Variants in EHBP1 observed in about 807,000 individuals in gnomAD.
EHBP1 encodes the protein EH domain binding protein 1.
Under a neutral mutation model 144.0 loss-of-function variants are expected in EHBP1, and 55 were observed. The ratio of observed to expected loss-of-function variants is 0.38; its 90% CI spans 0.31 to 0.48. The LOEUF (loss-of-function observed/expected upper bound fraction) is 0.48, where lower values mean the gene tolerates loss of function less well. Among genes scored for constraint, EHBP1 ranks in the 20% least tolerant of loss-of-function variants. The pLI is 0.98. For synonymous variants in EHBP1, 469 were observed against 472.7 expected, an observed-to-expected ratio of 0.99 and a Z score of 0.10; for missense variants, 1,200 against 1,364.2, an observed-to-expected ratio of 0.88 and a Z score of 1.90.
chr2:63,006,854 ATACT>A, intron 19 of EHBP1, among the ~76,000 whole-genome samples: 2 of 151,884 alleles, frequency 1.3e-5, no homozygotes, highest in South Asian at 4.2e-4. Context: ...GATCTCCTGC[ATACT>A]TAATTTCTGT....
chr2:63,018,316 A>T (rs2060569760), intron 19 of EHBP1, among the ~76,000 whole-genome samples: 1 of 152,176 alleles, frequency 6.6e-6, no homozygotes, highest in East Asian at 1.9e-4. Flanking sequence ...AAAATATCAT[A>T]CTTTCAAGTC....
intron 1 of EHBP1, among the ~76,000 whole-genome samples, chr2:62,679,736 A>G (rs1315579186): frequency 6.6e-6 from 1 of 152,252 alleles, no homozygotes; most frequent in Non-Finnish European, 1.5e-5. Context: ...ATAAAATGGC[A>G]TTGGCTATTA....
At chr2:62,912,080 A>G (rs999838700) in intron 10 of EHBP1, among the ~76,000 whole-genome samples, 9 of 152,164 alleles carry the variant, frequency 5.9e-5, no homozygotes, top group African/African-American at 2.2e-4. Flanking sequence ...GTTGAAAACT[A>G]CTAGATAGAT....
chr2:62,858,418 A>C (rs1411760746), intron 7 of EHBP1: 1 of 1,599,318 alleles, frequency 6.3e-7, no homozygotes, highest in Non-Finnish European at 8.5e-7. Context: ...ATTGTAAACC[A>C]GTTGAATGCT....
At chr2:62,994,251 A>G (rs1488628113) in intron 18 of EHBP1, 1 of 201,448 alleles carries the variant, frequency 5.0e-6, no homozygotes, top group Non-Finnish European at 1.0e-5. Context: ...TCCAGTATTG[A>G]TCTACTGGGA....
chr2:62,849,486 T>G (rs1573699754), intron 7 of EHBP1, among the ~76,000 whole-genome samples: 1 of 152,152 alleles, frequency 6.6e-6, no homozygotes, highest in Non-Finnish European at 1.5e-5. Context: ...CTTTGAGAGA[T>G]AATAATTTGT....
At chr2:62,769,291 ATAAATAACTTCAGCAAAG>A (rs1280288100) in intron 4 of EHBP1, among the ~76,000 whole-genome samples, 1 of 152,258 alleles carries the variant, frequency 6.6e-6, no homozygotes, top group African/African-American at 2.4e-5. Context: ...CCTGCAGCTG[ATAAATAACTTCAGCAAAG>A]TTTTAGGATA....
chr2:63,008,128 A>G (rs535583939), intron 19 of EHBP1, among the ~76,000 whole-genome samples: 2 of 151,938 alleles, frequency 1.3e-5, no homozygotes, highest in African/African-American at 4.8e-5. Context: ...CAAAGAAATG[A>G]AAATTTAAAT....
At chr2:63,041,185 C>A (rs1383388791) in intron 21 of EHBP1, among the ~76,000 whole-genome samples, 1 of 152,166 alleles carries the variant, frequency 6.6e-6, no homozygotes. Flanking sequence ...TACATCCATT[C>A]TTCTGAGAAT....
At chr2:62,966,429 A>T (rs1381908977) in intron 14 of EHBP1, among the ~76,000 whole-genome samples, 3 of 152,128 alleles carry the variant, frequency 2.0e-5, no homozygotes, top group Non-Finnish European at 2.9e-5. Flanking sequence ...TGTTTGGGGT[A>T]CCTTTTATAC....
Position 62,979,251 on chromosome 2 carries a change from C to T in EHBP1, c.2524C>T (p.Arg842Ter), listed in dbSNP as rs1049124249. ...AGCTCGTCAGCTAATAGCAGAAGCT[C>T]GATCTGGAGTGAAGATGTCAGAACT... Reference protein sequence around the residue: ...ERARQLIAEARSGVKMSELPS... With the variant: ...ERARQLIAEA Residue 842 changes from arginine (R) to a stop codon, truncating the protein, a stop_gained, in exon 15 of 23, where the codon CGA becomes TGA. Coordinates refer to ENST00000431489, the MANE Select transcript of EHBP1 (RefSeq NM_001142616.3). LOFTEE classifies it high-confidence loss of function. 3.7e-6 allele frequency: 6 copies of T among 1,613,816 alleles called. No homozygotes were observed. Among genetic ancestry groups the T allele is most frequent in the Non-Finnish European group, 5.1e-6 (6 of 1,179,858 alleles).
intron 10 of EHBP1, among the ~76,000 whole-genome samples, chr2:62,940,753 C>T (rs2056707848): frequency 6.6e-6 from 1 of 151,944 alleles, no homozygotes; most frequent in South Asian, 2.1e-4. Flanking sequence ...TTGCATGTGA[C>T]TTCTTTTTGT....
Position 62,942,768 on chromosome 2 carries a change from G to C in EHBP1, c.1236G>C (p.Gln412His). The C allele has an allele frequency of 6.2e-7, 1 of 1,613,438 alleles. No homozygotes were observed. Among genetic ancestry groups the C allele is most frequent in the Non-Finnish European group, 8.5e-7 (1 of 1,179,602 alleles). ...TGGGGCGAAAGCCAAATGCTAGTCAGTCTTTGCTTGTATGGTGTAAAGAAG... is the reference window on the plus strand; with the variant it reads ...TGGGGCGAAAGCCAAATGCTAGTCACTCTTTGCTTGTATGGTGTAAAGAAG... ...PVLGRKPNAS[Q>H]SLLVWCKEVT... is the part of the protein sequence containing the mutation. Residue 412 changes from glutamine to histidine, a missense_variant, in exon 11 of 23, where the codon CAG becomes CAC. By Grantham distance (24) the Gln-to-His change is conservative (BLOSUM62 0). Coordinates refer to ENST00000431489, the MANE Select transcript of EHBP1 (RefSeq NM_001142616.3).
At chr2:62,807,937 C>T (rs2044642522) in intron 5 of EHBP1, among the ~76,000 whole-genome samples, 2 of 151,578 alleles carry the variant, frequency 1.3e-5, no homozygotes, top group Admixed American at 6.6e-5. Flanking sequence ...CTAGATATGC[C>T]GAACTGGACA....
intron 10 of EHBP1, among the ~76,000 whole-genome samples, chr2:62,919,364 G>A (rs1262232839): frequency 6.6e-6 from 1 of 152,146 alleles, no homozygotes; most frequent in African/African-American, 2.4e-5. Context: ...CTATTCAAAA[G>A]CAACCATATA....
At chr2:62,850,533 A>C (rs977266457) in intron 7 of EHBP1, among the ~76,000 whole-genome samples, 1 of 152,160 alleles carries the variant, frequency 6.6e-6, no homozygotes, top group Non-Finnish European at 1.5e-5. Context: ...ATCAATGTGA[A>C]GCAGGTCCAT....
chr2:62,976,553 T>G (rs929380569), intron 14 of EHBP1, among the ~76,000 whole-genome samples: 6 of 152,206 alleles, frequency 3.9e-5, no homozygotes, highest in African/African-American at 1.4e-4. Flanking sequence ...CTCTTCTACT[T>G]TGATTTTCTG....
intron 3 of EHBP1, among the ~76,000 whole-genome samples, chr2:62,763,075 A>T (rs2040885923): frequency 6.6e-6 from 1 of 151,948 alleles, no homozygotes; most frequent in African/African-American, 2.4e-5. Flanking sequence ...TTCTCCCTAG[A>T]TACCTCTTTT....
At chr2:62,858,629 T>C in intron 7 of EHBP1, 1 of 650,852 alleles carries the variant, frequency 1.5e-6, no homozygotes, top group South Asian at 2.2e-5. Context: ...TTTCCTTGAA[T>C]GTTTTCTTTG....
Sources: allele counts gnomAD v4.1 joint callset (sites outside exome capture counted in the v4.1 genomes callset), GRCh38; gene constraint gnomAD v4.1.1; transcripts MANE v1.5; gene names NCBI Gene and HGNC (gene_info 2026-07-23, HGNC 2026-07-21).